AKAP13: variants seen among roughly 807,000 people sequenced by gnomAD.
The protein encoded by AKAP13 is A-kinase anchor protein 13.
Under a neutral mutation model 264.5 loss-of-function variants are expected in AKAP13, and 80 were observed. The ratio of observed to expected loss-of-function variants is 0.30; its 90% CI spans 0.25 to 0.36. The LOEUF (loss-of-function observed/expected upper bound fraction) is 0.36, where lower values mean the gene tolerates loss of function less well. Ranked by LOEUF, AKAP13 falls within the 10% of genes least tolerant of loss-of-function variation. The probability of loss-of-function intolerance (pLI) is 1.00; values close to 1 mark genes in which losing one functional copy is unlikely to be tolerated. For synonymous variants in AKAP13, 1,380 were observed against 1,250.2 expected, an observed-to-expected ratio of 1.10 and a Z score of -2.19; for missense variants, 3,712 against 3,435.2, an observed-to-expected ratio of 1.08 and a Z score of -2.01.
chr15:85,628,187 G>A (rs187193105), intron 8 of AKAP13, among the ~76,000 whole-genome samples: 3 of 152,308 alleles, frequency 2.0e-5, no homozygotes, highest in East Asian at 3.9e-4. Flanking sequence ...TCAAGCCTTC[G>A]TAACCCAAGG....
chr15:85,610,737 AG>A (rs2080571878), intron 8 of AKAP13, among the ~76,000 whole-genome samples: 1 of 152,212 alleles, frequency 6.6e-6, no homozygotes, highest in East Asian at 1.9e-4. Flanking sequence ...GCACTTCGGG[AG>A]GCCGAGGTGG....
intron 1 of AKAP13, among the ~76,000 whole-genome samples, chr15:85,458,972 C>G (rs2074396662): frequency 1.3e-5 from 2 of 152,140 alleles, no homozygotes; most frequent in South Asian, 4.1e-4. Flanking sequence ...ATGTACTTGT[C>G]TAGACAGTTT....
chr15:85,669,624 C>G, intron 13 of AKAP13, 98 bp from the exon 14 acceptor site: 3 of 882,156 alleles, frequency 3.4e-6, no homozygotes, highest in Middle Eastern at 2.4e-4. Flanking sequence ...TCTTCACTGC[C>G]TTATTTTACT....
At chr15:85,587,306 T>C (rs1222390384) in intron 8 of AKAP13, among the ~76,000 whole-genome samples, 1 of 152,242 alleles carries the variant, frequency 6.6e-6, no homozygotes, top group East Asian at 1.9e-4. Flanking sequence ...TATAACACAA[T>C]ATGTGATCTT....
At chr15:85,547,366 T>C (rs2077788268) in intron 5 of AKAP13, among the ~76,000 whole-genome samples, 1 of 148,946 alleles carries the variant, frequency 6.7e-6, no homozygotes, top group Non-Finnish European at 1.5e-5. Flanking sequence ...AAGTTCTTTT[T>C]GTGTTTCTTT....
chr15:85,623,557 C>A (rs1294549181), intron 8 of AKAP13, among the ~76,000 whole-genome samples: 3 of 152,214 alleles, frequency 2.0e-5, no homozygotes, highest in African/African-American at 7.2e-5. Flanking sequence ...GGTAGCTTTT[C>A]TGTATCAAGA....
intron 3 of AKAP13, among the ~76,000 whole-genome samples, 165 bp downstream of exon 3, chr15:85,521,740 G>A (rs2076830808): frequency 6.6e-6 from 1 of 152,186 alleles, no homozygotes; most frequent in South Asian, 2.1e-4. Flanking sequence ...TATTGGAACA[G>A]ATTGCCAGTT....
At chr15:85,497,986 C>T (rs541292541) in intron 2 of AKAP13, among the ~76,000 whole-genome samples, 12 of 152,002 alleles carry the variant, frequency 7.9e-5, no homozygotes, top group East Asian at 2.0e-4. Flanking sequence ...GAAGCTGTTC[C>T]GCAGGAAGAA....
chr15:85,501,465 G>A (rs150714459), intron 2 of AKAP13, among the ~76,000 whole-genome samples: 15 of 152,268 alleles, frequency 9.9e-5, no homozygotes, highest in East Asian at 3.9e-4. Flanking sequence ...AGTATGGGAC[G>A]TTGATTTTTC....
At chr15:85,509,675 T>A (rs1198676371) in intron 2 of AKAP13, among the ~76,000 whole-genome samples, 2 of 152,218 alleles carry the variant, frequency 1.3e-5, no homozygotes, top group Non-Finnish European at 2.9e-5. Context: ...ATAATTAAAT[T>A]TTGTGATATT....
intron 8 of AKAP13, among the ~76,000 whole-genome samples, chr15:85,638,701 AAC>A (rs2082174654): frequency 6.6e-6 from 1 of 151,986 alleles, no homozygotes; most frequent in South Asian, 2.1e-4. Context: ...TTTTTAGAAT[AAC>A]ACAGACTTGG....
Position 85,507,289 on chromosome 15 carries a change from A to G in AKAP13, c.34-14139A>G, listed in dbSNP as rs189348585. 4.9e-3 allele frequency among the ~76,000 whole-genome samples: 742 copies of G among 152,008 alleles called. 4 individuals are homozygous for G. The highest frequency in any genetic ancestry group is 7.6e-3 in the Non-Finnish European group (520 of 67,974). On this transcript the variant is annotated intron_variant, in intron 2 of 36. Transcript: ENST00000394518. ...TGGCAAGCTACAGCCTGTGAACCAA[A>G]TCTAGCCTGCTGCCTGTTTTTGTAA...
chr15:85,674,771 C>T (rs957380740), intron 14 of AKAP13, among the ~76,000 whole-genome samples: 10 of 152,060 alleles, frequency 6.6e-5, no homozygotes, highest in African/African-American at 2.4e-4. Flanking sequence ...GATATTTTAT[C>T]TCTGTTTTCT....
intron 9 of AKAP13, among the ~76,000 whole-genome samples, chr15:85,641,076 G>T (rs1305892271): frequency 6.6e-6 from 1 of 152,102 alleles, no homozygotes; most frequent in Non-Finnish European, 1.5e-5. Context: ...TGAATCCCAG[G>T]TACTTTGTTT....
chr15:85,567,939 G>GAGGT (rs1456868774), intron 5 of AKAP13, among the ~76,000 whole-genome samples: 2 of 107,830 alleles, frequency 1.9e-5, no homozygotes, highest in East Asian at 5.4e-4. Flanking sequence ...ATAGCCCAAA[G>GAGGT]AGGTGTGTGT....
chr15:85,474,512 A>T (rs1358261099), intron 1 of AKAP13, among the ~76,000 whole-genome samples: 1 of 152,220 alleles, frequency 6.6e-6, no homozygotes, highest in African/African-American at 2.4e-5. Flanking sequence ...GGGATTACTC[A>T]TGTCAGGAAT....
At chr15:85,701,084 A>T (rs1044914165) in intron 17 of AKAP13, 1 of 152,266 alleles carries the variant, frequency 6.6e-6, no homozygotes, top group Admixed American at 6.5e-5. Context: ...AATATTTCAT[A>T]TAAGACTTTT....
intron 20 of AKAP13, chr15:85,717,043 C>T: frequency 2.4e-6 from 1 of 422,470 alleles, no homozygotes; most frequent in Non-Finnish European, 4.2e-6. Context: ...CCCCTTGCTT[C>T]TTATCACTTT....
chr15:85,582,196 T>G (rs1005701672), intron 7 of AKAP13, 89 bp downstream of exon 7: 16 of 1,413,558 alleles, frequency 1.1e-5, no homozygotes, highest in Non-Finnish European at 1.5e-5. Context: ...ATAGGCATCT[T>G]TGTTGTTTTG....
Sources: allele counts gnomAD v4.1 joint callset (sites outside exome capture counted in the v4.1 genomes callset), GRCh38; gene constraint gnomAD v4.1.1; transcripts MANE v1.5; gene names NCBI Gene and HGNC (gene_info 2026-07-23, HGNC 2026-07-21).